Variants in MSRA observed in about 807,000 individuals in gnomAD.
MSRA encodes the protein mitochondrial peptide methionine sulfoxide reductase.
A neutral mutation model predicts 31.3 loss-of-function variants in MSRA; 54 were observed. The ratio of observed to expected loss-of-function variants is 1.73; its 90% CI spans 1.39 to 2.17. The LOEUF (loss-of-function observed/expected upper bound fraction) is 2.17, where lower values mean the gene tolerates loss of function less well. Ranked by LOEUF, MSRA falls within the 30% of genes most tolerant of loss-of-function variation. MSRA has a pLI of 0.00. For synonymous variants in MSRA, 169 were observed against 116.5 expected (o/e 1.45, Z -2.90); for missense variants, 507 against 300.9 (o/e 1.69, Z -5.07).
intron 5 of MSRA, among the ~76,000 whole-genome samples, chr8:10,360,991 G>C (rs1462755828): frequency 1.3e-5 from 2 of 152,168 alleles, no homozygotes; most frequent in East Asian, 3.9e-4. Flanking sequence ...TCTTTGCCTA[G>C]GTCCCTAATT....
chr8:10,316,553 T>TCC (rs1391829082), intron 4 of MSRA, among the ~76,000 whole-genome samples: 1 of 108,570 alleles, frequency 9.2e-6, no homozygotes, highest in Non-Finnish European at 2.0e-5. Flanking sequence ...TCTCTCTCTC[T>TCC]CTCTCTCTCT....
At chr8:10,095,341 T>C (rs917847404) in intron 1 of MSRA, among the ~76,000 whole-genome samples, 8 of 152,238 alleles carry the variant, frequency 5.3e-5, no homozygotes, top group African/African-American at 1.9e-4. Flanking sequence ...GTAATAATTA[T>C]GAAAGGTAGG....
At chr8:10,185,024 A>T (rs1016362493) in intron 1 of MSRA, among the ~76,000 whole-genome samples, 2 of 152,186 alleles carry the variant, frequency 1.3e-5, no homozygotes, top group African/African-American at 2.4e-5. Flanking sequence ...CCGGTTCTTA[A>T]CTGTTCTTTC....
At position 10,210,256 on chromosome 8, in the gene MSRA, C is replaced by T. The variant is rs952677998; in HGVS notation, c.211+2355C>T. 2.0e-5 allele frequency among the ~76,000 whole-genome samples: 3 copies of T among 152,182 alleles called. No individual in the cohort carries two copies. The South Asian group carries it at 6.2e-4, about 32-fold the overall frequency. On this transcript the variant is annotated intron_variant, in intron 2 of 5. Coordinates refer to ENST00000317173, the MANE Select transcript of MSRA (RefSeq NM_012331.5). ...CGAGGCCATGTGACTTATCCAGAGC[C>T]ACTTGGCCAAGGAGGTGGTTGGTGG... is the stretch of plus-strand genomic sequence containing the variant.
At chr8:10,190,652 T>C (rs942236832) in intron 1 of MSRA, among the ~76,000 whole-genome samples, 3 of 152,220 alleles carry the variant, frequency 2.0e-5, no homozygotes. Context: ...AGTTACTATT[T>C]TATTGTAGTA....
chr8:10,428,225 C>G lies in MSRA; in HGVS notation c.621C>G (p.Tyr207Ter). The G allele has an allele frequency of 6.2e-7, 1 of 1,614,222 alleles. No individual in the cohort carries two copies. The stretch of plus-strand genomic sequence containing the variant: ...AGACTTTCTACTATGCGGAAGACTA[C>G]CACCAGCAGTACCTGAGCAAGAACC... The part of the protein sequence containing the change: ...EGQTFYYAED[Y>*]HQQYLSKNPN... The change falls in exon 6 of 6, where the codon TAC becomes TAG. Residue 207 changes from tyrosine to a stop codon, truncating the protein, a stop_gained. Transcript: ENST00000317173. LOFTEE classifies it high-confidence loss of function.
intron 3 of MSRA, among the ~76,000 whole-genome samples, chr8:10,277,593 G>C (rs1380784964): frequency 2.0e-5 from 3 of 152,174 alleles, no homozygotes; most frequent in African/African-American, 7.2e-5. Flanking sequence ...GGTAGTATAA[G>C]TGGCAAAATG....
intron 5 of MSRA, among the ~76,000 whole-genome samples, chr8:10,353,003 C>A (rs1804277704): frequency 6.6e-6 from 1 of 152,106 alleles, no homozygotes; most frequent in Admixed American, 6.5e-5. Context: ...TGAGGTGTGT[C>A]TCTGTGGTTG....
intron 1 of MSRA, chr8:10,095,847 C>G (rs946867564): frequency 3.9e-6 from 5 of 1,266,296 alleles, no homozygotes; most frequent in Non-Finnish European, 5.0e-6. Context: ...TCCATAGTGT[C>G]CATGCATTTG....
chr8:10,119,425 G>A (rs1403938387), intron 1 of MSRA, among the ~76,000 whole-genome samples: 8 of 152,132 alleles, frequency 5.3e-5, no homozygotes, highest in Admixed American at 5.2e-4. Context: ...CTTTCTGCTG[G>A]CGATTAAGTC....
At chr8:10,167,710 G>A (rs1447242223) in intron 1 of MSRA, among the ~76,000 whole-genome samples, 9 of 152,098 alleles carry the variant, frequency 5.9e-5, no homozygotes, top group African/African-American at 1.7e-4. Flanking sequence ...TCTTAGGGAC[G>A]GCTGAACGTG....
chr8:10,195,345 ATTC>A (rs1294552069), intron 1 of MSRA, among the ~76,000 whole-genome samples: 2 of 152,182 alleles, frequency 1.3e-5, no homozygotes, highest in Admixed American at 6.5e-5. Flanking sequence ...GGTTCAGACA[ATTC>A]TTCTGCCTCA....
chr8:10,197,057 G>C (rs970700586), intron 1 of MSRA, among the ~76,000 whole-genome samples: 4 of 152,112 alleles, frequency 2.6e-5, no homozygotes, highest in African/African-American at 9.7e-5. Context: ...TTTCAACGTT[G>C]TTATTCACAA....
chr8:10,332,611 A>G (rs960078807), intron 5 of MSRA, among the ~76,000 whole-genome samples: 19 of 152,154 alleles, frequency 1.2e-4, no homozygotes, highest in African/African-American at 4.6e-4. Flanking sequence ...AGGCACCCAT[A>G]TTTCTGTGTA....
At chr8:10,259,185 C>G (rs189880736) in intron 3 of MSRA, among the ~76,000 whole-genome samples, 1 of 152,056 alleles carries the variant, frequency 6.6e-6, no homozygotes. Context: ...TCTCAATGCC[C>G]TGAAAACAAA....
intron 5 of MSRA, among the ~76,000 whole-genome samples, chr8:10,401,870 A>G (rs1199529804): frequency 6.6e-6 from 1 of 152,212 alleles, no homozygotes; most frequent in East Asian, 1.9e-4. Flanking sequence ...TCATAGAGAT[A>G]GAAAATGGAA....
chr8:10,125,928 A>G (rs1350608452), intron 1 of MSRA, among the ~76,000 whole-genome samples: 3 of 152,208 alleles, frequency 2.0e-5, no homozygotes, highest in Non-Finnish European at 4.4e-5. Context: ...TAACTGCTTT[A>G]AAAGGCGTTG....
intron 3 of MSRA, among the ~76,000 whole-genome samples, chr8:10,276,682 A>G (rs1563299077): frequency 2.0e-5 from 3 of 152,364 alleles, no homozygotes; most frequent in Middle Eastern, 3.4e-3. Flanking sequence ...GGTTGATTGC[A>G]GTTTCTAAGA....
chr8:10,106,466 A>C (rs1353660504), intron 1 of MSRA, among the ~76,000 whole-genome samples: 1 of 152,236 alleles, frequency 6.6e-6, no homozygotes, highest in Non-Finnish European at 1.5e-5. Context: ...GAAAACTTCA[A>C]TAAAGAGTAT....
Sources: allele counts gnomAD v4.1 joint callset (sites outside exome capture counted in the v4.1 genomes callset), GRCh38; gene constraint gnomAD v4.1.1; transcripts MANE v1.5; gene names NCBI Gene and HGNC (gene_info 2026-07-23, HGNC 2026-07-21).